Variants in TTLL3 observed in about 807,000 individuals in gnomAD.
TTLL3 encodes the protein tubulin monoglycylase TTLL3.
In TTLL3, 63 loss-of-function variants were observed where a neutral mutation model predicts 75.2. That is an observed-to-expected ratio of 0.84 (90% CI 0.68 to 1.03). The LOEUF (loss-of-function observed/expected upper bound fraction) is 1.03. TTLL3 is among the 50% of genes least tolerant of loss of function. The pLI is 0.00. For synonymous variants in TTLL3, 393 were observed against 418.5 expected (o/e 0.94, Z 0.74); for missense variants, 997 against 1,069.9 (o/e 0.93, Z 0.95).
chr3:9,832,307 C>T (rs1462452752), intron 11 of TTLL3, among the ~76,000 whole-genome samples: 5 of 152,010 alleles, frequency 3.3e-5, no homozygotes, highest in African/African-American at 4.8e-5. Flanking sequence ...AGGCTGATCT[C>T]GAACTCTTGA....
Position 9,812,781 on chromosome 3 carries a change from C to A in TTLL3, c.49-162C>A, listed in dbSNP as rs985560680. On this transcript the variant is annotated intron_variant, in intron 2 of 13. Coordinates refer to ENST00000685419, the MANE Select transcript of TTLL3 (RefSeq NM_001387446.1). Reference sequence around the variant, plus strand: ...CATTGCTATTATCATTATTACCATGCATATTTATTTCTCTACTTATTTATA... The same window carrying A: ...CATTGCTATTATCATTATTACCATGAATATTTATTTCTCTACTTATTTATA... The A allele has an allele frequency of 1.7e-5, 13 of 776,786 alleles. No homozygotes were observed. In the East Asian group the frequency reaches 3.2e-4, roughly 19 times the overall value. The allele number at this position is 776,786 out of a possible 1,614,324, so 48.1% of individuals were successfully genotyped here.
At chr3:9,833,300 C>T (rs1428724154) in intron 12 of TTLL3, 55 bp downstream of exon 12, 1 of 1,599,810 alleles carries the variant, frequency 6.3e-7, no homozygotes, top group African/African-American at 1.4e-5. Context: ...GGCACTGGGG[C>T]CAGGAGCCTG....
At position 9,817,520 on chromosome 3, in the gene TTLL3, A is replaced by G. The variant is rs1208747414; in HGVS notation, c.445-125A>G. 3.9e-6 allele frequency: 6 copies of G among 1,556,824 alleles called. No homozygotes were observed. The African/African-American group carries it at 8.2e-5, about 21-fold the overall frequency. Reference sequence around the variant, plus strand: ...CAAATATATGGTGATAGATGTGAGCAACTCAGACCTTGCAAGCGGGGCCAA... The same window carrying G: ...CAAATATATGGTGATAGATGTGAGCGACTCAGACCTTGCAAGCGGGGCCAA... On this transcript the variant is annotated intron_variant, in intron 5 of 13. Coordinates refer to ENST00000685419, the MANE Select transcript of TTLL3 (RefSeq NM_001387446.1).
At chr3:9,832,155 G>A (rs985639033) in intron 11 of TTLL3, among the ~76,000 whole-genome samples, 3 of 137,384 alleles carry the variant, frequency 2.2e-5, no homozygotes, top group Non-Finnish European at 4.5e-5. Context: ...GTGCGATCTC[G>A]GCTCACTGCA....
At chr3:9,820,843 GT>G (rs2080343443) in intron 8 of TTLL3, 102 bp downstream of exon 8, 1 of 1,495,308 alleles carries the variant, frequency 6.7e-7, no homozygotes, top group Non-Finnish European at 8.9e-7. Context: ...CCTCCCGCTC[GT>G]TTACCCCGCT....
chr3:9,829,544 C>A, intron 11 of TTLL3, 149 bp downstream of exon 11: 1 of 975,786 alleles, frequency 1.0e-6, no homozygotes, highest in Non-Finnish European at 1.4e-6. Context: ...CTTCCTTGAG[C>A]CTCAGTTTCC....
At chr3:9,827,432 T>A in intron 10 of TTLL3, 192 bp downstream of exon 10, 1 of 1,034,252 alleles carries the variant, frequency 9.7e-7, no homozygotes, top group Non-Finnish European at 1.3e-6. Flanking sequence ...GGGGGCGGTC[T>A]CACTCTGTTA....
At position 9,835,242 on chromosome 3, in the gene TTLL3, C is replaced by A. The variant is rs2125012546; in HGVS notation, c.2201C>A (p.Ala734Asp). The A allele has an allele frequency of 2.5e-6, 4 of 1,614,202 alleles. No homozygotes were observed. Among genetic ancestry groups the A allele is most frequent in the East Asian group, 4.5e-5 (2 of 44,888 alleles). Residue 734 changes from alanine (A) to aspartate (D), a missense_variant, in exon 14 of 14, where the codon GCC (alanine) becomes GAC (aspartate). Coordinates refer to ENST00000685419, the MANE Select transcript of TTLL3 (RefSeq NM_001387446.1). ...RPDCDKPRAE[A>D]CPMKRLSPLK... ...GACTGTGACAAACCCAGGGCTGAGGCCTGCCCCATGAAGAGGCTGAGCCCC... is the reference window on the plus strand; with the variant it reads ...GACTGTGACAAACCCAGGGCTGAGGACTGCCCCATGAAGAGGCTGAGCCCC...
At chr3:9,820,062 G>C (rs1465653919) in intron 7 of TTLL3, 1 of 992,768 alleles carries the variant, frequency 1.0e-6, no homozygotes, top group African/African-American at 1.7e-5. Context: ...TGCAGTAACA[G>C]TGCACACAGA....
chr3:9,821,054 T>C (rs2080365884), intron 8 of TTLL3: 2 of 345,390 alleles, frequency 5.8e-6, no homozygotes, highest in Admixed American at 8.8e-5. Flanking sequence ...GCTTTTGTGG[T>C]CCATCACATT....
intron 12 of TTLL3, 24 bp downstream of exon 12, chr3:9,833,269 C>A: frequency 6.2e-7 from 1 of 1,612,718 alleles, no homozygotes. Flanking sequence ...GACCCCTACC[C>A]ACAGGTCAGC....
Position 9,810,449 on chromosome 3 carries a change from G to C in TTLL3, c.-42+55G>C, listed in dbSNP as rs1413938598. On this transcript the variant is annotated intron_variant, in intron 1 of 13. Coordinates refer to ENST00000685419, the MANE Select transcript of TTLL3 (RefSeq NM_001387446.1). This position sits in a 1 kb window ranked among gnomAD's most constrained non-coding sequence, Gnocchi z 4.4. ...CCTACAGCGGCTGCGAGGACGACAA[G>C]ACGCTGGGGTGGAGGGACTGGGGGT... 5 of 1,430,336 alleles carry C rather than the reference G, an allele frequency of 3.5e-6. No individual in the cohort carries two copies. The highest frequency in any genetic ancestry group is 4.6e-6 in the Non-Finnish European group (5 of 1,096,480). The allele number at this position is 1,430,336 out of a possible 1,614,324, so 88.6% of individuals were successfully genotyped here.
intron 10 of TTLL3, chr3:9,828,003 GTGT>G (rs1287372758): frequency 1.3e-5 from 2 of 152,060 alleles, no homozygotes; most frequent in East Asian, 1.9e-4. Context: ...TTAGCCGGGC[GTGT>G]TGGCGGGCGC....
intron 11 of TTLL3, among the ~76,000 whole-genome samples, chr3:9,830,834 GCT>G (rs2081451179): frequency 1.3e-5 from 2 of 151,860 alleles, no homozygotes; most frequent in South Asian, 2.1e-4. Context: ...ACGGGGTCTT[GCT>G]CTGTTGCCTA....
At chr3:9,811,091 T>C (rs2079309919) in intron 2 of TTLL3, among the ~76,000 whole-genome samples, 3 of 152,204 alleles carry the variant, frequency 2.0e-5, no homozygotes, top group African/African-American at 4.8e-5. Context: ...CTTTGGCTGC[T>C]GCTTTTCAGC....
chr3:9,822,373 C>T (rs2080526782), intron 8 of TTLL3, among the ~76,000 whole-genome samples: 3 of 151,656 alleles, frequency 2.0e-5, no homozygotes, highest in Admixed American at 2.0e-4. Context: ...GGCCATGAGT[C>T]CTTTTTATTT....
chr3:9,813,456 T>G (rs2079531677), intron 4 of TTLL3, 111 bp downstream of exon 4: 1 of 1,244,428 alleles, frequency 8.0e-7, no homozygotes, highest in East Asian at 2.5e-5. Context: ...GGCCACAGTT[T>G]CCCTATCTGT....
At chr3:9,831,266 T>G (rs2081505814) in intron 11 of TTLL3, among the ~76,000 whole-genome samples, 1 of 152,186 alleles carries the variant, frequency 6.6e-6, no homozygotes, top group East Asian at 1.9e-4. Context: ...GGCGGGTTGT[T>G]TTGTAGAACT....
At chr3:9,816,318 T>C in intron 5 of TTLL3, 116 bp downstream of exon 5, 3 of 1,125,726 alleles carry the variant, frequency 2.7e-6, no homozygotes, top group Non-Finnish European at 3.5e-6. Flanking sequence ...AGGGGAAGTA[T>C]ACAATTCAGA....
Sources: gnomAD v4.1 joint callset for allele counts (sites outside exome capture counted in the v4.1 genomes callset) on GRCh38, gnomAD v4.1.1 for gene constraint, Gnocchi (gnomAD v3.1) non-coding constraint, MANE v1.5 for transcripts, NCBI Gene and HGNC (gene_info 2026-07-23, HGNC 2026-07-21) for gene names.